The following PCDHB16 variants were observed in gnomAD, a reference collection of about 807,000 sequenced individuals.
PCDHB16 encodes protocadherin beta-16.
For synonymous variants in PCDHB16, 444 were observed against 436.5 expected (o/e 1.02, Z -0.21); for missense variants, 1,026 against 989.9 (o/e 1.04, Z -0.49).
In PCDHB16 at chr5:141,183,578, T is replaced by G. The variant is rs1554282174; in HGVS notation, c.1019T>G (p.Val340Gly). ...KCTLLLQVVD[V>G]NDNPPQVTMS... The stretch of plus-strand genomic sequence containing the variant: ...ACTCTTCTCCTGCAGGTGGTGGACG[T>G]GAATGACAATCCCCCACAGGTGACC... Residue 340 changes from valine to glycine, a missense_variant, in exon 1 of 1, where the codon GTG becomes GGG. Val to Gly is a moderately radical substitution (Grantham distance 109). Transcript: ENST00000609684. 6.2e-7 allele frequency: 1 copy of G among 1,614,120 alleles called. No individual in the cohort carries two copies. Among genetic ancestry groups the G allele is most frequent in the Non-Finnish European group, 8.5e-7 (1 of 1,180,030 alleles).
chr5:141,183,872 C>T lies in PCDHB16; in HGVS notation c.1313C>T (p.Thr438Ile). The change falls in exon 1 of 1, where the codon ACA becomes ATA. Residue 438 changes from threonine (T) to isoleucine (I), a missense_variant. By Grantham distance (89) the Thr-to-Ile change is moderately conservative. Coordinates refer to ENST00000609684, the MANE Select transcript of PCDHB16 (RefSeq NM_020957.4). Reference sequence around the variant, plus strand: ...AGGCTGAAAACGGAGCACAACATAACAGTGCAGATATCAGATGTCAATGAT... The same window carrying T: ...AGGCTGAAAACGGAGCACAACATAATAGTGCAGATATCAGATGTCAATGAT... ...TPRLKTEHNI[T>I]VQISDVNDNA... 6.2e-7 allele frequency: 1 copy of T among 1,614,194 alleles called. No homozygotes were observed. Among genetic ancestry groups the T allele is most frequent in the Non-Finnish European group, 8.5e-7 (1 of 1,180,042 alleles).
rs1588361977 is a variant in PCDHB16, at chr5:141,184,864, C to G, written c.2305C>G (p.Pro769Ala). 1 of 1,614,192 alleles carries G rather than the reference C, an allele frequency of 6.2e-7. No homozygotes were observed. The highest frequency in any genetic ancestry group is 8.5e-7 in the Non-Finnish European group (1 of 1,180,028). ...SETSEFKFLKPIIPNFSP is the reference protein window; with the variant it reads ...SETSEFKFLKAIIPNFSP ...AACAAGTGAGTTCAAGTTCCTGAAG[C>G]CGATTATCCCCAACTTCTCTCCTTA... Residue 769 changes from proline to alanine, a missense_variant, in exon 1 of 1, where the codon CCG becomes GCG. Coordinates refer to ENST00000609684, the MANE Select transcript of PCDHB16 (RefSeq NM_020957.4).
rs1753587959 is a variant in PCDHB16, at chr5:141,182,493, A to G, written c.-67A>G. 1.9e-5 allele frequency: 27 copies of G among 1,420,414 alleles called. No individual in the cohort carries two copies. Among genetic ancestry groups the G allele is most frequent in the Non-Finnish European group, 2.5e-5 (26 of 1,057,262 alleles). The allele number at this position is 1,420,414 out of a possible 1,614,324, so 88.0% of individuals were successfully genotyped here. A position where few individuals can be genotyped will look rare whatever the true frequency, so the allele number is the denominator to read the frequency against. ...GCTTGGTTCTGACATTCTGGACTGC[A>G]AAACAGTTCTACTAGGATCCTGGGG... On this transcript the variant is annotated 5_prime_UTR_variant, in exon 1 of 1. Transcript: ENST00000609684.
chr5:141,184,976 C>T lies in PCDHB16; in HGVS notation c.*86C>T. On this transcript the variant is annotated 3_prime_UTR_variant, in exon 1 of 1. Coordinates refer to ENST00000609684, the MANE Select transcript of PCDHB16 (RefSeq NM_020957.4). ...TGATAGGAACCCATTTGATAAATTCCTTAACTTCTTATGATTGTCTTGTTG... is the reference window on the plus strand; with the variant it reads ...TGATAGGAACCCATTTGATAAATTCTTTAACTTCTTATGATTGTCTTGTTG... 1 of 1,522,058 alleles carries T rather than the reference C, an allele frequency of 6.6e-7. No homozygotes were observed. Among genetic ancestry groups the T allele is most frequent in the Non-Finnish European group, 8.8e-7 (1 of 1,136,916 alleles). 94.3% of individuals were successfully genotyped at this position (1,522,058 alleles called of 1,614,324 possible).
At position 141,183,617 on chromosome 5, in the gene PCDHB16, C is replaced by G; in HGVS notation, c.1058C>G (p.Thr353Ser). The change falls in exon 1 of 1, where the codon ACC becomes AGC. Residue 353 changes from threonine to serine, a missense_variant. Transcript: ENST00000609684. ...CCACAGGTGACCATGTCTGCACTCA[C>G]CAGCCCCATCCCAGAGAACTCGCCT... ...NPPQVTMSAL[T>S]SPIPENSPEI... 1 of 1,614,166 alleles carries G rather than the reference C, an allele frequency of 6.2e-7. No individual in the cohort carries two copies. Among genetic ancestry groups the G allele is most frequent in the South Asian group, 1.1e-5 (1 of 91,082 alleles).
Position 141,184,744 on chromosome 5 carries a change from G to C in PCDHB16, c.2185G>C (p.Glu729Gln). ...AASVGRCSMP[E>Q]GPFPGRLVDV... ...CTCGGTGGGCCGCTGCTCGATGCCTGAGGGCCCCTTTCCAGGGCGTCTGGT... is the reference window on the plus strand; with the variant it reads ...CTCGGTGGGCCGCTGCTCGATGCCTCAGGGCCCCTTTCCAGGGCGTCTGGT... Residue 729 changes from glutamate to glutamine, a missense_variant, in exon 1 of 1, where the codon GAG becomes CAG. Coordinates refer to ENST00000609684, the MANE Select transcript of PCDHB16 (RefSeq NM_020957.4). The C allele has an allele frequency of 1.2e-6, 2 of 1,614,108 alleles. No homozygotes were observed. The highest frequency in any genetic ancestry group is 1.7e-6 in the Non-Finnish European group (2 of 1,180,022).
In PCDHB16 at chr5:141,185,589, G is replaced by T; in HGVS notation, c.*699G>T. On this transcript the variant is annotated 3_prime_UTR_variant, in exon 1 of 1. Transcript: ENST00000609684. ...CCATGCCTGGCTAATCTTTTGCAGCGATGGGATTTTGCCAAGTTGCCCAGG... is the reference window on the plus strand; with the variant it reads ...CCATGCCTGGCTAATCTTTTGCAGCTATGGGATTTTGCCAAGTTGCCCAGG... 4.9e-6 allele frequency: 2 copies of T among 410,794 alleles called. No homozygotes were observed. The highest frequency in any genetic ancestry group is 6.6e-6 in the Non-Finnish European group (2 of 302,796). 25.4% of individuals were successfully genotyped at this position (410,794 alleles called of 1,614,324 possible). A position where few individuals can be genotyped will look rare whatever the true frequency, so the allele number is the denominator to read the frequency against.
chr5:141,186,078 A>G lies in PCDHB16; in HGVS notation c.*1188A>G. ...GACATTTACATGGTTTGGCTTTTAT[A>G]TTCATCATAGTATACATTGGCGGTA... On this transcript the variant is annotated 3_prime_UTR_variant, in exon 1 of 1. Transcript: ENST00000609684. 1 of 999,628 alleles carries G rather than the reference A, an allele frequency of 1.0e-6. No homozygotes were observed. The highest frequency in any genetic ancestry group is 1.2e-6 in the Non-Finnish European group (1 of 829,442). The allele number at this position is 999,628 out of a possible 1,614,324, so 61.9% of individuals were successfully genotyped here.
chr5:141,183,352 T>C lies in PCDHB16; in HGVS notation c.793T>C (p.Ser265Pro), dbSNP rs1554282130. 1.9e-6 allele frequency: 3 copies of C among 1,614,166 alleles called. No individual in the cohort carries two copies. The highest frequency in any genetic ancestry group is 2.5e-6 in the Non-Finnish European group (3 of 1,180,038). Reference sequence around the variant, plus strand: ...TCTTGGCTCCCTGGTTGCCACCGTCTCCGCCAGGGATTTAGACGGCGGAGC... The same window carrying C: ...TCTTGGCTCCCTGGTTGCCACCGTCCCCGCCAGGGATTTAGACGGCGGAGC... The part of the protein sequence containing the change: ...SPLGSLVATV[S>P]ARDLDGGANG... The change falls in exon 1 of 1, where the codon TCC becomes CCC. Residue 265 changes from serine (S) to proline (P), a missense_variant. By Grantham distance (74) the Ser-to-Pro change is moderately conservative (BLOSUM62 -1). Coordinates refer to ENST00000609684, the MANE Select transcript of PCDHB16 (RefSeq NM_020957.4).
At position 141,184,718 on chromosome 5, in the gene PCDHB16, C is replaced by T; in HGVS notation, c.2159C>T (p.Ala720Val). The T allele has an allele frequency of 6.2e-7, 1 of 1,613,964 alleles. No homozygotes were observed. Among genetic ancestry groups the T allele is most frequent in the Non-Finnish European group, 8.5e-7 (1 of 1,180,016 alleles). Residue 720 changes from alanine to valine, a missense_variant, in exon 1 of 1, where the codon GCC becomes GTC. By Grantham distance (64) the Ala-to-Val change is moderately conservative (BLOSUM62 0). Transcript: ENST00000609684. ...CGGCTGTGCAGGAGGAGCAGGGCGG[C>T]CTCGGTGGGCCGCTGCTCGATGCCT... ...AVRLCRRSRA[A>V]SVGRCSMPEG...
rs1554282466 is a variant in PCDHB16, at chr5:141,184,786, G to A, written c.2227G>A (p.Gly743Arg). 4 of 1,614,228 alleles carry A rather than the reference G, an allele frequency of 2.5e-6. No individual in the cohort carries two copies. The highest frequency in any genetic ancestry group is 3.4e-6 in the Non-Finnish European group (4 of 1,180,048). The stretch of plus-strand genomic sequence containing the variant: ...GCGTCTGGTGGACGTAAGCGGCACC[G>A]GGACCCTGTCCCAGAGCTACCAATA... ...PGRLVDVSGT[G>R]TLSQSYQYEV... is the part of the protein sequence containing the mutation. The change falls in exon 1 of 1, where the codon GGG (glycine) becomes AGG (arginine). Residue 743 changes from glycine to arginine, a missense_variant. Coordinates refer to ENST00000609684, the MANE Select transcript of PCDHB16 (RefSeq NM_020957.4).
Position 141,184,601 on chromosome 5 carries a change from C to A in PCDHB16, c.2042C>A (p.Thr681Asn). The A allele has an allele frequency of 6.2e-7, 1 of 1,612,592 alleles. No homozygotes were observed. Among genetic ancestry groups the A allele is most frequent in the Non-Finnish European group, 8.5e-7 (1 of 1,179,796 alleles). Reference sequence around the variant, plus strand: ...CTCCCAGAGGCGGCCCCCGGCCAGACCCAGGCCAACTCGCTCACTGTCTAC... The same window carrying A: ...CTCCCAGAGGCGGCCCCCGGCCAGAACCAGGCCAACTCGCTCACTGTCTAC... ...LPLPEAAPGQ[T>N]QANSLTVYLV... Residue 681 changes from threonine (T) to asparagine (N), a missense_variant, in exon 1 of 1, where the codon ACC (threonine) becomes AAC (asparagine). Transcript: ENST00000609684.
Position 141,182,433 on chromosome 5 carries a change from G to T in PCDHB16, c.-127G>T. On this transcript the variant is annotated 5_prime_UTR_variant, in exon 1 of 1. Coordinates refer to ENST00000609684, the MANE Select transcript of PCDHB16 (RefSeq NM_020957.4). Reference sequence around the variant, plus strand: ...GAAGAATAGCTGAGCCAGAGCGAACGTGAGTGTGAAACCTCTTTAAGACAC... The same window carrying T: ...GAAGAATAGCTGAGCCAGAGCGAACTTGAGTGTGAAACCTCTTTAAGACAC... The T allele has an allele frequency of 1.3e-6, 1 of 742,882 alleles. No individual in the cohort carries two copies. The allele number at this position is 742,882 out of a possible 1,614,324, so 46.0% of individuals were successfully genotyped here.
chr5:141,186,050 A>C lies in PCDHB16; in HGVS notation c.*1160A>C. ...TTAAGTTGGAAAAAAAACTTATCAA[A>C]GAGACATTTACATGGTTTGGCTTTT... On this transcript the variant is annotated 3_prime_UTR_variant, in exon 1 of 1. Coordinates refer to ENST00000609684, the MANE Select transcript of PCDHB16 (RefSeq NM_020957.4). 1 of 998,660 alleles carries C rather than the reference A, an allele frequency of 1.0e-6. No individual in the cohort carries two copies. Among genetic ancestry groups the C allele is most frequent in the African/African-American group, 1.7e-5 (1 of 57,302 alleles). The allele number at this position is 998,660 out of a possible 1,614,324, so 61.9% of individuals were successfully genotyped here. A position where few individuals can be genotyped will look rare whatever the true frequency, so the allele number is the denominator to read the frequency against.
rs1179696864 is a variant in PCDHB16, at chr5:141,183,168, G to A, written c.609G>A (p.Glu203=). 1 of 1,614,084 alleles carries A rather than the reference G, an allele frequency of 6.2e-7. No individual in the cohort carries two copies. The highest frequency in any genetic ancestry group is 8.5e-7 in the Non-Finnish European group (1 of 1,180,044). ...TGTTGGATAAAGAGCTGGATCGGGA[G>A]GAGGAGCCTCAACTAAGATTAACCC... ...ELVLDKELDR[E]EEPQLRLTLT... is the part of the protein sequence containing the mutation. The change falls in exon 1 of 1, where the codon GAG becomes GAA. Residue 203 remains glutamate, a synonymous_variant. Coordinates refer to ENST00000609684, the MANE Select transcript of PCDHB16 (RefSeq NM_020957.4).
Position 141,183,767 on chromosome 5 carries a change from T to A in PCDHB16, c.1208T>A (p.Leu403Ter). 1 of 1,614,186 alleles carries A rather than the reference T, an allele frequency of 6.2e-7. No homozygotes were observed. The highest frequency in any genetic ancestry group is 8.5e-7 in the Non-Finnish European group (1 of 1,180,038). Residue 403 changes from leucine (L) to a stop codon, truncating the protein, a stop_gained, in exon 1 of 1, where the codon TTG becomes TAG. Transcript: ENST00000609684. LOFTEE classifies it low-confidence loss of function (END_TRUNC). ...LKPSVKNFYT[L>*]VTERALDREA... is the part of the protein sequence containing the mutation. The stretch of plus-strand genomic sequence containing the variant: ...CCTTCAGTCAAGAACTTTTACACCT[T>A]GGTAACGGAGAGAGCACTCGACAGA...
In PCDHB16 at chr5:141,183,121, G is replaced by C. The variant is rs563719754; in HGVS notation, c.562G>C (p.Gly188Arg). The change falls in exon 1 of 1, where the codon GGC (glycine) becomes CGC (arginine). Residue 188 changes from glycine to arginine, a missense_variant. By Grantham distance (125) the Gly-to-Arg change is moderately radical (BLOSUM62 -2). Transcript: ENST00000609684. Reference sequence around the variant, plus strand: ...GGTTCTAATCCATGAATTCAGAGATGGCAGGAAATACCCTGAGCTAGTGTT... The same window carrying C: ...GGTTCTAATCCATGAATTCAGAGATCGCAGGAAATACCCTGAGCTAGTGTT... ...FRVLIHEFRD[G>R]RKYPELVLDK... is the part of the protein sequence containing the mutation. 6.8e-6 allele frequency: 11 copies of C among 1,614,178 alleles called. No homozygotes were observed. The African/African-American group carries it at 9.3e-5, about 14-fold the overall frequency.
Position 141,184,551 on chromosome 5 carries a change from C to G in PCDHB16, c.1992C>G (p.Asp664Glu). The part of the protein sequence containing the change: ...ATATLHVLLV[D>E]GFSQPFLPLP... ...CCACGCTGCACGTGCTCCTGGTGGA[C>G]GGCTTCTCCCAGCCCTTCCTGCCGC... The change falls in exon 1 of 1, where the codon GAC becomes GAG. Residue 664 changes from aspartate (D) to glutamate (E), a missense_variant. Transcript: ENST00000609684. 6.2e-7 allele frequency: 1 copy of G among 1,611,208 alleles called. No homozygotes were observed. Among genetic ancestry groups the G allele is most frequent in the Non-Finnish European group, 8.5e-7 (1 of 1,179,766 alleles).
Position 141,183,676 on chromosome 5 carries a change from C to T in PCDHB16, c.1117C>T (p.Pro373Ser). The T allele has an allele frequency of 6.2e-7, 1 of 1,614,198 alleles. No individual in the cohort carries two copies. Among genetic ancestry groups the T allele is most frequent in the Non-Finnish European group, 8.5e-7 (1 of 1,180,042 alleles). The change falls in exon 1 of 1, where the codon CCT (proline) becomes TCT (serine). Residue 373 changes from proline to serine, a missense_variant. Pro to Ser is a moderately conservative substitution (Grantham distance 74, BLOSUM62 -1). Transcript: ENST00000609684. ...AGTTGCTGTTTTCAGCGTTTCAGATCCTGACTCCGGAAACAATGGGAAGAC... is the reference window on the plus strand; with the variant it reads ...AGTTGCTGTTTTCAGCGTTTCAGATTCTGACTCCGGAAACAATGGGAAGAC... Reference protein sequence around the residue: ...IVVAVFSVSDPDSGNNGKTIS... With the variant: ...IVVAVFSVSDSDSGNNGKTIS...
Sources: gnomAD v4.1 joint callset for allele counts on GRCh38, gnomAD v4.1.1 for gene constraint, MANE v1.5 for transcripts, NCBI Gene and HGNC (gene_info 2026-07-23, HGNC 2026-07-21) for gene names.